The following COL28A1 variants were observed in gnomAD, a reference collection of about 807,000 sequenced individuals.
COL28A1 encodes the protein collagen type XXVIII alpha 1 chain.
COL28A1 carries 161 observed loss-of-function variants against 150.2 expected under a neutral mutation model. The observed-to-expected ratio is 1.07, with a 90% confidence interval of 0.94 to 1.22. The LOEUF (loss-of-function observed/expected upper bound fraction) is 1.22. Among genes scored for constraint, COL28A1 ranks in the 50% most tolerant of loss-of-function variants. The pLI, the probability that COL28A1 is intolerant of heterozygous loss-of-function variation, is 0.00. For missense variants in COL28A1, 1,617 were observed against 1,388.3 expected (o/e 1.16, Z -2.62); for synonymous variants, 552 against 469.7 (o/e 1.18, Z -2.26).
intron 30 of COL28A1, among the ~76,000 whole-genome samples, chr7:7,379,283 T>A (rs1044062443): frequency 1.3e-5 from 2 of 152,130 alleles, no homozygotes; most frequent in Non-Finnish European, 2.9e-5. Flanking sequence ...TTAATGCAAA[T>A]TCTCTTTTCC....
At chr7:7,432,304 C>G (rs528084953) in intron 25 of COL28A1, among the ~76,000 whole-genome samples, 169 bp downstream of exon 25, 1 of 152,282 alleles carries the variant, frequency 6.6e-6, no homozygotes, top group East Asian at 1.9e-4. Context: ...AGTTAGTCTA[C>G]ATGTTCAGAT....
intron 3 of COL28A1, among the ~76,000 whole-genome samples, chr7:7,525,132 T>G (rs2115223022): frequency 1.3e-5 from 2 of 152,140 alleles, no homozygotes; most frequent in South Asian, 4.2e-4. Context: ...ATTTAATGAG[T>G]CTTAGTCAAT....
At chr7:7,376,452 G>A (rs1474106879) in intron 30 of COL28A1, among the ~76,000 whole-genome samples, 1 of 152,144 alleles carries the variant, frequency 6.6e-6, no homozygotes, top group Admixed American at 6.6e-5. Context: ...TGTAAACTAA[G>A]TAAAAGCTAA....
the COL28A1 span, among the ~76,000 whole-genome samples, chr7:7,347,232 AC>A: frequency 6.6e-6 from 1 of 152,020 alleles, no homozygotes; most frequent in Non-Finnish European, 1.5e-5. Flanking sequence ...ATGAGCCCTG[AC>A]TTAAAATACC....
intron 25 of COL28A1, chr7:7,431,167 T>C (rs971665275): frequency 4.5e-5 from 7 of 156,254 alleles, no homozygotes; most frequent in Non-Finnish European, 9.9e-5. Flanking sequence ...TCTAATGACC[T>C]GGAAACATTC....
At chr7:7,506,661 T>C (rs975619620) in intron 10 of COL28A1, among the ~76,000 whole-genome samples, 1 of 152,270 alleles carries the variant, frequency 6.6e-6, no homozygotes, top group African/African-American at 2.4e-5. Context: ...TATGGATGTC[T>C]AACTTAAATG....
At chr7:7,423,728 A>G (rs1310740698) in intron 25 of COL28A1, among the ~76,000 whole-genome samples, 1 of 152,182 alleles carries the variant, frequency 6.6e-6, no homozygotes, top group Non-Finnish European at 1.5e-5. Flanking sequence ...ATACCCACAC[A>G]TGGGAAAGCA....
At chr7:7,497,370 C>G (rs1008344346) in intron 11 of COL28A1, among the ~76,000 whole-genome samples, 1 of 152,166 alleles carries the variant, frequency 6.6e-6, no homozygotes, top group Admixed American at 6.5e-5. Flanking sequence ...CGTGTATTAA[C>G]TCATTTAATC....
Position 7,416,803 on chromosome 7 carries a change from C to T in COL28A1, c.2136+1056G>A, listed in dbSNP as rs142686687. ...AGTTCTGCTCTTGACTAAGCTTACT[C>T]TCTCTACACAGAAGTAGGCAGTTTA... On this transcript the variant is annotated intron_variant, in intron 27 of 34. Coordinates refer to ENST00000399429, the MANE Select transcript of COL28A1 (RefSeq NM_001037763.3). Among the ~76,000 whole-genome samples the T allele has an allele frequency of 2.0e-5, 3 of 152,258 alleles. No homozygotes were observed. In the East Asian group the frequency reaches 5.8e-4, roughly 29 times the overall value.
rs376064083 is a variant in COL28A1 at position 7,444,400 on chromosome 7, C to G, written c.1581+18G>C. ...TTCAACAGTTCCTACTCCAGTAATA[C>G]GAAAAACTTGGTGTTACCTTCTTCC... On this transcript the variant is annotated intron_variant, in intron 19 of 34. Transcript: ENST00000399429. 1.2e-6 allele frequency: 2 copies of G among 1,613,340 alleles called. No homozygotes were observed. The highest frequency in any genetic ancestry group is 2.2e-5 in the East Asian group (1 of 44,824).
At chr7:7,536,692 C>T (rs998622342), upstream of COL28A1, among the ~76,000 whole-genome samples, 5 of 152,092 alleles carry the variant, frequency 3.3e-5, no homozygotes, top group African/African-American at 1.2e-4. Flanking sequence ...CAAGATCATC[C>T]GAGAAAGCAA....
Position 7,373,314 on chromosome 7 carries a change from A to T in COL28A1, c.2592T>A (p.Ala864=). The T allele has an allele frequency of 6.2e-7, 1 of 1,614,196 alleles. No individual in the cohort carries two copies. The highest frequency in any genetic ancestry group is 8.5e-7 in the Non-Finnish European group (1 of 1,180,034). Residue 864 remains alanine (A), a synonymous_variant, in exon 32 of 35, where the codon GCT becomes GCA. Coordinates refer to ENST00000399429, the MANE Select transcript of COL28A1 (RefSeq NM_001037763.3). This position sits in a 1 kb window ranked among gnomAD's most constrained non-coding sequence, Gnocchi z 4.1. ...QFSSKDDFKL[A]VDNMQYLGEG... is the part of the protein sequence containing the mutation. The stretch of plus-strand genomic sequence containing the variant: ...CCCCCAGATACTGCATGTTGTCCAC[A>T]GCCAACTTGAAGTCATCCTTGCTGG...
chr7:7,455,601 ACTT>A (rs1187322541), intron 16 of COL28A1, among the ~76,000 whole-genome samples: 1 of 152,126 alleles, frequency 6.6e-6, no homozygotes, highest in Non-Finnish European at 1.5e-5. Context: ...TAACTATAAT[ACTT>A]TTTTAAAAAA....
intron 5 of COL28A1, among the ~76,000 whole-genome samples, chr7:7,521,646 GA>G (rs1781731625): frequency 6.6e-6 from 1 of 152,134 alleles, no homozygotes; most frequent in African/African-American, 2.4e-5. Context: ...ATTTTATGAG[GA>G]GGAATATAAA....
At chr7:7,451,936 G>A (rs555485984) in intron 18 of COL28A1, among the ~76,000 whole-genome samples, 2 of 152,192 alleles carry the variant, frequency 1.3e-5, no homozygotes, top group African/African-American at 2.4e-5. Flanking sequence ...GCGCTCAACT[G>A]GCTCTCTAGA....
In COL28A1 at chr7:7,460,959, A is replaced by C. The variant is rs148502081; in HGVS notation, c.1303-4847T>G. On this transcript the variant is annotated intron_variant, in intron 15 of 34. Transcript: ENST00000399429. ...ATGGAAAGAACAGCATGTGGAGGCT[A>C]GCACTGTGAACCTTTGCTCTAGAAC... 4.7e-3 allele frequency among the ~76,000 whole-genome samples: 709 copies of C among 152,344 alleles called. 5 individuals carry two copies. The highest frequency in any genetic ancestry group is 0.022 in the East Asian group (115 of 5,176).
intron 23 of COL28A1, among the ~76,000 whole-genome samples, chr7:7,434,980 A>G (rs1215917772): frequency 6.6e-6 from 1 of 152,232 alleles, no homozygotes; most frequent in Non-Finnish European, 1.5e-5. Context: ...ATCTTCCGTC[A>G]GACCTTCAAA....
intron 26 of COL28A1, among the ~76,000 whole-genome samples, chr7:7,418,241 G>C (rs1274068570): frequency 6.6e-6 from 1 of 152,192 alleles, no homozygotes. Flanking sequence ...CCAAGCTCAA[G>C]AACACCAGGG....
chr7:7,431,631 G>A (rs1365136742), intron 25 of COL28A1: 1 of 471,144 alleles, frequency 2.1e-6, no homozygotes, highest in Non-Finnish European at 4.4e-6. Context: ...TCAAGGCCAT[G>A]GGAAGTGTTC....
Sources: allele counts gnomAD v4.1 joint callset (sites outside exome capture counted in the v4.1 genomes callset), GRCh38; gene constraint gnomAD v4.1.1; non-coding constraint Gnocchi (gnomAD v3.1); transcripts MANE v1.5; gene names NCBI Gene and HGNC (gene_info 2026-07-23, HGNC 2026-07-21).